Variants in FSD1L observed in about 807,000 individuals in gnomAD.
FSD1L encodes FSD1-like protein.
In FSD1L, 45 loss-of-function variants were observed where a neutral mutation model predicts 71.6. That is an observed-to-expected ratio of 0.63 (90% CI 0.49 to 0.81). FSD1L has a LOEUF of 0.81. FSD1L is among the 30% of genes least tolerant of loss of function. The pLI is 0.00. For synonymous variants in FSD1L, 197 were observed against 207.2 expected, an observed-to-expected ratio of 0.95 and a Z score of 0.42; for missense variants, 561 against 618.1, an observed-to-expected ratio of 0.91 and a Z score of 0.98.
At chr9:105,498,535 A>C (rs1415520592) in intron 7 of FSD1L, among the ~76,000 whole-genome samples, 1 of 152,160 alleles carries the variant, frequency 6.6e-6, no homozygotes, top group Non-Finnish European at 1.5e-5. Context: ...ACTTAGAAAA[A>C]AATACAGTCA....
In FSD1L at chr9:105,450,691, C is replaced by T. The variant is rs543832567; in HGVS notation, c.15+2456C>T. 3.6e-4 allele frequency among the ~76,000 whole-genome samples: 54 copies of T among 150,900 alleles called. No homozygotes were observed. The East Asian group carries it at 0.01, about 28-fold the overall frequency. The stretch of plus-strand genomic sequence containing the variant: ...TGGGATTACAGGCGCCTGCCACCAC[C>T]CCTGGCTAATTTTTGTATTTTTAGT... On this transcript the variant is annotated intron_variant, in intron 1 of 13. Coordinates refer to ENST00000481272, the MANE Select transcript of FSD1L (RefSeq NM_001145313.3).
At chr9:105,462,205 T>G (rs1830745363) in intron 2 of FSD1L, among the ~76,000 whole-genome samples, 1 of 151,728 alleles carries the variant, frequency 6.6e-6, no homozygotes, top group Middle Eastern at 3.2e-3. Context: ...TGGTGGAAAG[T>G]TTTTTTAAGT....
intron 7 of FSD1L, among the ~76,000 whole-genome samples, chr9:105,495,285 G>T (rs940834686): frequency 6.6e-6 from 1 of 152,150 alleles, no homozygotes; most frequent in Non-Finnish European, 1.5e-5. Flanking sequence ...AGACTCCGTG[G>T]GTGTAGGACC....
intron 11 of FSD1L, 26 bp downstream of exon 11, chr9:105,534,619 A>G: frequency 1.5e-6 from 2 of 1,298,538 alleles, no homozygotes; most frequent in Non-Finnish European, 2.2e-6. Flanking sequence ...ATTGTTTTTC[A>G]TTATCTCAGA....
intron 10 of FSD1L, among the ~76,000 whole-genome samples, chr9:105,529,354 G>C (rs566848671): frequency 3.9e-5 from 6 of 152,260 alleles, no homozygotes; most frequent in Admixed American, 3.3e-4. Context: ...ATTCACAACA[G>C]AAAGCCTTGG....
intron 7 of FSD1L, among the ~76,000 whole-genome samples, chr9:105,493,995 T>C (rs1397273703): frequency 1.3e-5 from 2 of 152,202 alleles, no homozygotes; most frequent in Non-Finnish European, 2.9e-5. Context: ...TTGCTCTTCT[T>C]GAGGAGTATC....
intron 2 of FSD1L, among the ~76,000 whole-genome samples, chr9:105,462,945 C>T (rs1830811070): frequency 6.6e-6 from 1 of 151,016 alleles, no homozygotes; most frequent in South Asian, 2.1e-4. Flanking sequence ...TGAGACCAGC[C>T]TGGCCAACAT....
chr9:105,489,140 T>G (rs1832749170), intron 7 of FSD1L, among the ~76,000 whole-genome samples: 2 of 152,176 alleles, frequency 1.3e-5, no homozygotes, highest in Non-Finnish European at 2.9e-5. Flanking sequence ...CTGACATAGA[T>G]GTAGAGTATT....
Position 105,548,114 on chromosome 9 carries a change from G to A in FSD1L, c.*1631G>A, listed in dbSNP as rs965891992. 13 of 151,992 alleles carry A rather than the reference G, an allele frequency of 8.6e-5. No individual in the cohort carries two copies. Among genetic ancestry groups the A allele is most frequent in the Non-Finnish European group, 1.5e-5 (1 of 67,950 alleles). The allele number at this position is 151,992 out of a possible 1,614,324, so 9.4% of individuals were successfully genotyped here. A position where few individuals can be genotyped will look rare whatever the true frequency, so the allele number is the denominator to read the frequency against. On this transcript the variant is annotated 3_prime_UTR_variant, in exon 14 of 14. Coordinates refer to ENST00000481272, the MANE Select transcript of FSD1L (RefSeq NM_001145313.3). ...GACATTCATATCTGCACTATTATCT[G>A]ATGACATGTTGGTAATTTTAAAGAC...
At chr9:105,484,717 C>G (rs1475991884) in intron 7 of FSD1L, among the ~76,000 whole-genome samples, 1 of 151,644 alleles carries the variant, frequency 6.6e-6, no homozygotes, top group Non-Finnish European at 1.5e-5. Context: ...CAAGGGATCT[C>G]TTATTGTTAG....
intron 10 of FSD1L, chr9:105,525,595 T>A (rs1740180426): frequency 1.2e-6 from 2 of 1,612,880 alleles, no homozygotes; most frequent in Non-Finnish European, 1.7e-6. Context: ...ACGGAGGAGC[T>A]TTCATCTCCT....
chr9:105,543,565 T>C (rs1258420230), intron 13 of FSD1L, among the ~76,000 whole-genome samples: 1 of 152,182 alleles, frequency 6.6e-6, no homozygotes, highest in Non-Finnish European at 1.5e-5. Flanking sequence ...GTATATCTCC[T>C]AATGCTATCC....
Position 105,506,542 on chromosome 9 carries a change from C to T in FSD1L, c.730C>T (p.Arg244Cys). The T allele has an allele frequency of 3.2e-6, 5 of 1,550,684 alleles. No homozygotes were observed. The highest frequency in any genetic ancestry group is 4.4e-6 in the Non-Finnish European group (5 of 1,146,416). Residue 244 changes from arginine to cysteine, a missense_variant, in exon 8 of 14, where the codon CGT (arginine) becomes TGT (cysteine). Transcript: ENST00000481272. ...HRKTNFDGLP[R>C]VKDERCWEII... Reference sequence around the variant, plus strand: ...GAAGACTAATTTTGATGGACTTCCACGTGTAAAGGATGAGCGATGCTGGGA... The same window carrying T: ...GAAGACTAATTTTGATGGACTTCCATGTGTAAAGGATGAGCGATGCTGGGA...
intron 9 of FSD1L, among the ~76,000 whole-genome samples, chr9:105,509,545 G>C (rs896814722): frequency 2.6e-5 from 4 of 152,112 alleles, no homozygotes; most frequent in African/African-American, 9.7e-5. Context: ...AGGCACTTGG[G>C]ACTTAAGGCA....
chr9:105,522,122 C>G (rs953818214), intron 10 of FSD1L: 24 of 1,613,658 alleles, frequency 1.5e-5, no homozygotes, highest in Non-Finnish European at 1.7e-5. Flanking sequence ...TTTTCCAGAC[C>G]CTTATAGTTG....
At chr9:105,524,746 A>G (rs915305928) in intron 10 of FSD1L, 1 of 1,612,710 alleles carries the variant, frequency 6.2e-7, no homozygotes, top group Non-Finnish European at 8.5e-7. Context: ...ACTCAAATGC[A>G]GCATGGATTA....
intron 10 of FSD1L, chr9:105,520,253 T>C: frequency 1.2e-6 from 2 of 1,603,096 alleles, no homozygotes; most frequent in South Asian, 1.1e-5. Flanking sequence ...TGGAACTGGC[T>C]GAAGAAGATG....
At chr9:105,492,948 G>T (rs1833061221) in intron 7 of FSD1L, among the ~76,000 whole-genome samples, 1 of 152,102 alleles carries the variant, frequency 6.6e-6, no homozygotes, top group South Asian at 2.1e-4. Context: ...AATAGGTGTG[G>T]TGTGGTGCTG....
chr9:105,518,680 A>C (rs991204585), intron 10 of FSD1L, among the ~76,000 whole-genome samples: 14 of 152,252 alleles, frequency 9.2e-5, no homozygotes, highest in Non-Finnish European at 5.9e-5. Flanking sequence ...AGGGAAATTT[A>C]TAGCACTAAA....
Sources: gnomAD v4.1 joint callset for allele counts (sites outside exome capture counted in the v4.1 genomes callset) on GRCh38, gnomAD v4.1.1 for gene constraint, MANE v1.5 for transcripts, NCBI Gene and HGNC (gene_info 2026-07-23, HGNC 2026-07-21) for gene names.